Variants in CSAD observed in about 807,000 individuals in gnomAD.
CSAD encodes the protein P-selectin cytoplasmic tail-associated protein.
In CSAD, 47 loss-of-function variants were observed where a neutral mutation model predicts 61.5. The observed-to-expected ratio is 0.76, with a 90% CI of 0.60 to 0.97. The LOEUF is 0.97. CSAD is among the 50% of genes least tolerant of loss of function. The pLI is 0.00. For synonymous variants in CSAD, 245 were observed against 252.7 expected (o/e 0.97, Z 0.29); for missense variants, 611 against 643.6 (o/e 0.95, Z 0.55).
At position 53,164,618 on chromosome 12, in the gene CSAD, T is replaced by C. The variant is rs879904795; in HGVS notation, c.703-3229A>G. The C allele has an allele frequency of 7.7e-4, 118 of 153,748 alleles. 2 individuals carry two copies. The highest frequency in any genetic ancestry group is 6.7e-3 in the Admixed American group (103 of 15,456). The allele number at this position is 153,748 out of a possible 1,614,324, so 9.5% of individuals were successfully genotyped here. A position where few individuals can be genotyped will look rare whatever the true frequency, so the allele number is the denominator to read the frequency against. ...GAGAAAAGGTTGAAAACATACCTAT[T>C]GGGTACTATGCTCACTACCTGGGTG... On this transcript the variant is annotated intron_variant, in intron 10 of 16. Transcript: ENST00000444623.
chr12:53,159,977 A>C (rs771816287), intron 14 of CSAD, 39 bp from the exon 15 acceptor site: 1 of 1,603,392 alleles, frequency 6.2e-7, no homozygotes, highest in South Asian at 1.1e-5. Context: ...CGGGGAGGAA[A>C]AGCAGAGATC....
At chr12:53,179,688 G>A (rs538002217) in intron 1 of CSAD, 41 of 1,191,370 alleles carry the variant, frequency 3.4e-5, no homozygotes, top group Non-Finnish European at 4.1e-5. Flanking sequence ...AAAAAGTTGA[G>A]AATCCTTGTC....
chr12:53,173,536 CA>C, intron 3 of CSAD, 60 bp from the exon 4 acceptor site: 1 of 1,612,556 alleles, frequency 6.2e-7, no homozygotes, highest in Admixed American at 1.7e-5. Flanking sequence ...ACCTACCCAG[CA>C]GGAGCCTCCT....
At position 53,161,099 on chromosome 12, in the gene CSAD, G is replaced by A. The variant is rs1044193756; in HGVS notation, c.884+28C>T. The A allele has an allele frequency of 2.5e-6, 4 of 1,607,912 alleles. No individual in the cohort carries two copies. In the African/African-American group the frequency reaches 5.3e-5, roughly 21 times the overall value. On this transcript the variant is annotated intron_variant, in intron 12 of 16. Coordinates refer to ENST00000444623, the MANE Select transcript of CSAD (RefSeq NM_001244705.2). Reference sequence around the variant, plus strand: ...TCTGGACCAATGGTTTGAAGGGCGGGATTTGGGAAGAAGGGGACTGTATGC... The same window carrying A: ...TCTGGACCAATGGTTTGAAGGGCGGAATTTGGGAAGAAGGGGACTGTATGC...
At chr12:53,171,299 A>G (rs1001457751) in intron 8 of CSAD, 27 bp downstream of exon 8, 1 of 1,613,726 alleles carries the variant, frequency 6.2e-7, no homozygotes, top group Non-Finnish European at 8.5e-7. Context: ...TCAGGAGCCC[A>G]GGGTTGGGCC....
upstream of CSAD, chr12:53,181,236 A>T: frequency 1.0e-6 from 1 of 985,372 alleles, no homozygotes; most frequent in African/African-American, 1.7e-5. Flanking sequence ...CTTCGGGCGG[A>T]CGGGGAGAAC....
In CSAD at chr12:53,160,123, G is replaced by A. The variant is rs749164310; in HGVS notation, c.1163C>T (p.Ala388Val). 1.2e-6 allele frequency: 2 copies of A among 1,612,956 alleles called. No individual in the cohort carries two copies. The highest frequency in any genetic ancestry group is 1.3e-5 in the African/African-American group (1 of 74,938). Residue 388 changes from alanine to valine, a missense_variant, in exon 14 of 17, where the codon GCC becomes GTC. Transcript: ENST00000444623. Reference sequence around the variant, plus strand: ...CCCCCCACCTCCTCCCGCCTACCGGGCAAGGACAAAGGCCTGGTCGATGCG... The same window carrying A: ...CCCCCCACCTCCTCCCGCCTACCGGACAAGGACAAAGGCCTGGTCGATGCG... ...ERRIDQAFVL[A>V]RYLVEEMKKR...
chr12:53,171,274 G>A, intron 8 of CSAD, 52 bp downstream of exon 8: 1 of 1,612,320 alleles, frequency 6.2e-7, no homozygotes, highest in Middle Eastern at 1.7e-4. Context: ...CTACTTAGCT[G>A]GCTGGAGATT....
intron 16 of CSAD, among the ~76,000 whole-genome samples, chr12:53,158,948 T>C (rs1433530496): frequency 6.6e-5 from 10 of 152,218 alleles, no homozygotes; most frequent in African/African-American, 1.7e-4. Context: ...TTCTGCCAAA[T>C]CTTGACTTTC....
intron 4 of CSAD, among the ~76,000 whole-genome samples, chr12:53,172,859 C>A (rs940178395): frequency 6.6e-6 from 1 of 152,146 alleles, no homozygotes; most frequent in African/African-American, 2.4e-5. Context: ...GGGATGAATT[C>A]TGGGGAGAAA....
At chr12:53,181,110 G>T, upstream of CSAD, 1 of 950,872 alleles carries the variant, frequency 1.1e-6, no homozygotes, top group Non-Finnish European at 1.3e-6. Context: ...GCACTCTCCG[G>T]CTCTGCTCCC....
Position 53,172,007 on chromosome 12 carries a change from A to G in CSAD, c.345-19T>C, listed in dbSNP as rs1251434476. 6.3e-7 allele frequency: 1 copy of G among 1,578,716 alleles called. No individual in the cohort carries two copies. Among genetic ancestry groups the G allele is most frequent in the Admixed American group, 1.7e-5 (1 of 59,828 alleles). On this transcript the variant is annotated intron_variant, in intron 6 of 16. Transcript: ENST00000444623. ...TGTGTACCTGCCAGGAGAGAGAACG[A>G]CGAGAAAGGAGAGATGGGGAGGGAC...
chr12:53,167,018 A>G (rs952013776), intron 10 of CSAD, among the ~76,000 whole-genome samples: 12 of 152,154 alleles, frequency 7.9e-5, no homozygotes, highest in African/African-American at 2.9e-4. Flanking sequence ...GTTCATGTAG[A>G]GCTATACCTG....
intron 15 of CSAD, 51 bp from the exon 16 acceptor site, chr12:53,159,763 T>C (rs1306612626): frequency 6.5e-7 from 1 of 1,546,238 alleles, no homozygotes. Context: ...GGGGACCGTT[T>C]TCCCTCTCCC....
intron 10 of CSAD, among the ~76,000 whole-genome samples, chr12:53,162,963 A>G (rs1368119389): frequency 6.6e-6 from 1 of 152,018 alleles, no homozygotes; most frequent in Non-Finnish European, 1.5e-5. Flanking sequence ...CTGGAGGTTG[A>G]GGCAGGAGAA....
At chr12:53,175,593 A>C (rs1471066067) in intron 2 of CSAD, among the ~76,000 whole-genome samples, 1 of 152,218 alleles carries the variant, frequency 6.6e-6, no homozygotes, top group Non-Finnish European at 1.5e-5. Context: ...TAAGTAAACT[A>C]ATAGAAAACA....
At chr12:53,180,374 G>A (rs1233868153) in intron 1 of CSAD, 2 of 985,220 alleles carry the variant, frequency 2.0e-6, no homozygotes, top group Non-Finnish European at 2.4e-6. Flanking sequence ...GAGTGACGAT[G>A]ATTTTTCAAG....
At chr12:53,180,550 C>T in intron 1 of CSAD, 182 bp downstream of exon 1, 2 of 1,279,248 alleles carry the variant, frequency 1.6e-6, no homozygotes, top group South Asian at 1.2e-5. Context: ...CCTCGGCGCA[C>T]GGCGCCGCCC....
At chr12:53,173,811 A>G (rs1378098656) in intron 2 of CSAD, 41 bp from the exon 3 acceptor site, 6 of 1,601,936 alleles carry the variant, frequency 3.7e-6, no homozygotes, top group Non-Finnish European at 4.3e-6. Context: ...AAGTGGGGTG[A>G]AAAGTGTACA....
Sources: gnomAD v4.1 joint callset for allele counts (sites outside exome capture counted in the v4.1 genomes callset) on GRCh38, gnomAD v4.1.1 for gene constraint, MANE v1.5 for transcripts, NCBI Gene and HGNC (gene_info 2026-07-23, HGNC 2026-07-21) for gene names.